SCAMP1: variants seen among roughly 807,000 people sequenced by gnomAD.
The protein encoded by SCAMP1 is secretory carrier-associated membrane protein 1.
Under a neutral mutation model 41.8 loss-of-function variants are expected in SCAMP1, and 15 were observed. The observed-to-expected ratio is 0.36, with a 90% CI of 0.24 to 0.55. The LOEUF is 0.55. Among genes scored for constraint, SCAMP1 ranks in the 20% least tolerant of loss-of-function variants. SCAMP1 has a pLI of 0.86. For synonymous variants in SCAMP1, 135 were observed against 136.8 expected, an observed-to-expected ratio of 0.99 and a Z score of 0.09; for missense variants, 341 against 412.6, an observed-to-expected ratio of 0.83 and a Z score of 1.50.
At chr5:78,395,392 G>A (rs533047682) in intron 2 of SCAMP1, among the ~76,000 whole-genome samples, 2 of 152,226 alleles carry the variant, frequency 1.3e-5, no homozygotes, top group East Asian at 3.9e-4. Context: ...GGCTTCTCTA[G>A]GTATGTTTAT....
intron 2 of SCAMP1, among the ~76,000 whole-genome samples, chr5:78,404,855 T>C (rs1019692873): frequency 1.3e-5 from 2 of 152,172 alleles, no homozygotes; most frequent in African/African-American, 4.8e-5. Flanking sequence ...CCATGTACTA[T>C]GAGTTGAGTT....
intron 1 of SCAMP1, among the ~76,000 whole-genome samples, chr5:78,366,286 G>C (rs1341224280): frequency 6.6e-6 from 1 of 151,920 alleles, no homozygotes; most frequent in African/African-American, 2.4e-5. Context: ...TGGGATTATA[G>C]GTGCATGCCA....
chr5:78,404,115 C>T (rs1400446265), intron 2 of SCAMP1, among the ~76,000 whole-genome samples: 2 of 124,548 alleles, frequency 1.6e-5, no homozygotes, highest in Admixed American at 8.1e-5. Context: ...GACCCTGTCT[C>T]AAAAAAAAAA....
At chr5:78,378,337 T>C (rs4558968) in intron 1 of SCAMP1, among the ~76,000 whole-genome samples, 144,911 of 152,296 alleles carry the variant, frequency 0.95, 69,155 homozygotes, top group Non-Finnish European at 0.97. Context: ...CTTGATTAGT[T>C]ATATAAGTTG....
At position 78,475,690 on chromosome 5, in the gene SCAMP1, TTACCTTTTGACTG is replaced by T. The variant is rs758487077; in HGVS notation, c.*31_*43del. 73 of 1,477,616 alleles carry T rather than the reference TTACCTTTTGACTG, an allele frequency of 4.9e-5. No individual in the cohort carries two copies. In the African/African-American group the frequency reaches 9.9e-4, roughly 20 times the overall value. 91.5% of individuals were successfully genotyped at this position (1,477,616 alleles called of 1,614,324 possible). ...TTAAGAATCTTCAAACAATACACTG[TTACCTTTTGACTG>T]TACCTTTTTCTCCAGTTACTGTATT... On this transcript the variant is annotated 3_prime_UTR_variant, in exon 9 of 9. Coordinates refer to ENST00000621999, the MANE Select transcript of SCAMP1 (RefSeq NM_004866.6).
chr5:78,399,205 T>C (rs543006098), intron 2 of SCAMP1, among the ~76,000 whole-genome samples: 1 of 152,338 alleles, frequency 6.6e-6, no homozygotes, highest in South Asian at 2.1e-4. Context: ...ACAGTTTATT[T>C]AGCCATCCAC....
Position 78,416,653 on chromosome 5 carries a change from G to C in SCAMP1, c.343+4G>C. 1 of 1,563,728 alleles carries C rather than the reference G, an allele frequency of 6.4e-7. No individual in the cohort carries two copies. Among genetic ancestry groups the C allele is most frequent in the Non-Finnish European group, 8.7e-7 (1 of 1,152,748 alleles). On this transcript the variant is annotated splice_donor_region_variant and intron_variant, in intron 4 of 8. Coordinates refer to ENST00000621999, the MANE Select transcript of SCAMP1 (RefSeq NM_004866.6). ...ATGCAAAACCTCAGTCAACATGGTAGTATCCAAAGAAATTTGAAATAAAAA... is the reference window on the plus strand; with the variant it reads ...ATGCAAAACCTCAGTCAACATGGTACTATCCAAAGAAATTTGAAATAAAAA...
Position 78,429,915 on chromosome 5 carries a change from CT to C in SCAMP1, c.632+7957del, listed in dbSNP as rs1752560917. Among the ~76,000 whole-genome samples, 3 of 151,448 alleles carry C rather than the reference CT, an allele frequency of 2.0e-5. No homozygotes were observed. The South Asian group carries it at 6.2e-4, about 31-fold the overall frequency. ...GAATAAAGCTTCAGCTTTTCTAAAG[CT>C]TATGTTGCCCCTTTTCCCCAACACA... On this transcript the variant is annotated intron_variant, in intron 6 of 8. Transcript: ENST00000621999.
intron 7 of SCAMP1, among the ~76,000 whole-genome samples, chr5:78,455,374 G>C (rs1201828721): frequency 8.0e-6 from 1 of 125,478 alleles, no homozygotes; most frequent in African/African-American, 3.2e-5. Flanking sequence ...AGAGATTCTG[G>C]TATGCTGTGT....
intron 6 of SCAMP1, among the ~76,000 whole-genome samples, chr5:78,423,294 C>T (rs1480534073): frequency 2.0e-5 from 3 of 152,130 alleles, no homozygotes; most frequent in African/African-American, 4.8e-5. Flanking sequence ...TGCCAAGGAA[C>T]GGGGAGAGCT....
At chr5:78,449,662 C>T (rs1561281622) in intron 6 of SCAMP1, among the ~76,000 whole-genome samples, 1 of 151,986 alleles carries the variant, frequency 6.6e-6, no homozygotes, top group Non-Finnish European at 1.5e-5. Flanking sequence ...GTTTTTTTGT[C>T]AAGAGGGATT....
chr5:78,477,278 G>T lies in SCAMP1; in HGVS notation c.*1610G>T, dbSNP rs79261991. On this transcript the variant is annotated 3_prime_UTR_variant, in exon 9 of 9. Coordinates refer to ENST00000621999, the MANE Select transcript of SCAMP1 (RefSeq NM_004866.6). ...ATGGTGTTTACATTTGATTTATTTGGGATCTTATTGACATCAGGTATACTT... is the reference window on the plus strand; with the variant it reads ...ATGGTGTTTACATTTGATTTATTTGTGATCTTATTGACATCAGGTATACTT... 347 of 152,070 alleles carry T rather than the reference G, an allele frequency of 2.3e-3. 2 individuals carry two copies. The highest frequency in any genetic ancestry group is 7.9e-3 in the African/African-American group (326 of 41,522). 9.4% of individuals were successfully genotyped at this position (152,070 alleles called of 1,614,324 possible).
At chr5:78,439,227 A>G (rs1443234677) in intron 6 of SCAMP1, among the ~76,000 whole-genome samples, 2 of 151,876 alleles carry the variant, frequency 1.3e-5, no homozygotes, top group African/African-American at 4.9e-5. Context: ...TAGGGTTAAT[A>G]TTGTTATGTG....
chr5:78,378,297 T>C lies in SCAMP1; in HGVS notation c.58-10540T>C, dbSNP rs1048822870. 2.6e-5 allele frequency among the ~76,000 whole-genome samples: 4 copies of C among 152,374 alleles called. No individual in the cohort carries two copies. The South Asian group carries it at 6.2e-4, about 24-fold the overall frequency. On this transcript the variant is annotated intron_variant, in intron 1 of 8. Transcript: ENST00000621999. ...TACTATTTAGCTTAAAAATGACATA[T>C]GTACAGAGAGAAATAAACAGGAGAC...
chr5:78,393,882 A>AT (rs954593230), intron 2 of SCAMP1, among the ~76,000 whole-genome samples: 43 of 152,176 alleles, frequency 2.8e-4, no homozygotes, highest in Admixed American at 3.3e-4. Context: ...TGGTGAGGGC[A>AT]TTTGTGGCTT....
chr5:78,470,760 T>TATC (rs1035884689), intron 8 of SCAMP1, among the ~76,000 whole-genome samples: 1 of 152,202 alleles, frequency 6.6e-6, no homozygotes, highest in Non-Finnish European at 1.5e-5. Context: ...GGAAGGACTG[T>TATC]ATCATTTTAC....
At chr5:78,448,682 C>T (rs973233590) in intron 6 of SCAMP1, among the ~76,000 whole-genome samples, 2 of 152,196 alleles carry the variant, frequency 1.3e-5, no homozygotes, top group Non-Finnish European at 2.9e-5. Flanking sequence ...CTGGAATACT[C>T]ATGTACTGCC....
rs397772954 is a variant in SCAMP1 at position 78,434,569 on chromosome 5, T to TCC, written c.632+12609_632+12610insCC. 4.7e-3 allele frequency among the ~76,000 whole-genome samples: 718 copies of TCC among 151,906 alleles called. 7 individuals are homozygous for TCC. The highest frequency in any genetic ancestry group is 0.017 in the African/African-American group (687 of 41,432). On this transcript the variant is annotated intron_variant, in intron 6 of 8. Transcript: ENST00000621999. ...CTTTCTTCCTTCCTTTTCCTCCTCCTTCTTCAGAAGTTTTAAAAGCACTTT... is the reference window on the plus strand; with the variant it reads ...CTTTCTTCCTTCCTTTTCCTCCTCCTCCTCTTCAGAAGTTTTAAAAGCACTTT...
At position 78,460,790 on chromosome 5, in the gene SCAMP1, T is replaced by G. The variant is rs1328283671; in HGVS notation, c.852+1428T>G. Among the ~76,000 whole-genome samples the G allele has an allele frequency of 1.2e-3, 58 of 47,892 alleles. 1 individual carries two copies. The highest frequency in any genetic ancestry group is 5.8e-3 in the African/African-American group (45 of 7,786). 31.4% of individuals were successfully genotyped at this position (47,892 alleles called of 152,430 possible). ...CTTCCTTCCTTCCTTCCTTCCTTCC[T>G]TCCTTCCTTCCTTCCTCCCTTCCTT... On this transcript the variant is annotated intron_variant, in intron 8 of 8. Transcript: ENST00000621999.
Sources: allele counts gnomAD v4.1 joint callset (sites outside exome capture counted in the v4.1 genomes callset), GRCh38; gene constraint gnomAD v4.1.1; transcripts MANE v1.5; gene names NCBI Gene and HGNC (gene_info 2026-07-23, HGNC 2026-07-21).